GRIN2B: variants seen among roughly 807,000 people sequenced by gnomAD.
The protein encoded by GRIN2B is glutamate ionotropic receptor NMDA type subunit 2B.
In GRIN2B, 5 loss-of-function variants were observed where a neutral mutation model predicts 114.5. That is an observed-to-expected ratio of 0.04 (90% CI 0.02 to 0.09). GRIN2B has a LOEUF of 0.09. Among genes scored for constraint, GRIN2B ranks in the 10% least tolerant of loss-of-function variants. The pLI is 1.00. For synonymous variants in GRIN2B, 787 were observed against 745.1 expected, an observed-to-expected ratio of 1.06 and a Z score of -0.92; for missense variants, 1,108 against 1,943.5, an observed-to-expected ratio of 0.57 and a Z score of 8.08.
intron 2 of GRIN2B, among the ~76,000 whole-genome samples, chr12:13,888,944 T>G (rs559115599): frequency 6.6e-6 from 1 of 152,288 alleles, no homozygotes; most frequent in Non-Finnish European, 1.5e-5. Context: ...TAGGATACAC[T>G]AAGTTTATTT....
chr12:13,758,998 A>AGTT (rs771891565), intron 3 of GRIN2B, among the ~76,000 whole-genome samples: 1,379 of 85,742 alleles, frequency 0.016, 62 homozygotes, highest in African/African-American at 0.032. Context: ...ATCTAGTTCA[A>AGTT]TTTTTTTTTT....
intron 3 of GRIN2B, among the ~76,000 whole-genome samples, chr12:13,767,258 CA>C (rs34462939): frequency 0.26 from 25,644 of 97,436 alleles, 2,288 homozygotes; most frequent in Middle Eastern, 0.38. Flanking sequence ...GACTCTGTCT[CA>C]AAAAAAAAAA....
At chr12:13,882,572 A>G (rs1866087855) in intron 2 of GRIN2B, among the ~76,000 whole-genome samples, 1 of 152,122 alleles carries the variant, frequency 6.6e-6, no homozygotes, top group African/African-American at 2.4e-5. Context: ...TCTAAAATAT[A>G]AGCAACAATG....
chr12:13,707,683 C>T (rs376354106), intron 4 of GRIN2B, among the ~76,000 whole-genome samples: 1 of 151,798 alleles, frequency 6.6e-6, no homozygotes, highest in African/African-American at 2.4e-5. Context: ...AGCACCTATT[C>T]GGTACAGGGC....
intron 2 of GRIN2B, among the ~76,000 whole-genome samples, chr12:13,901,292 G>C (rs918977802): frequency 2.6e-5 from 4 of 151,934 alleles, no homozygotes; most frequent in Admixed American, 6.6e-5. Flanking sequence ...TCTGGGAAAG[G>C]CCTATTTGTC....
At chr12:13,645,364 T>C (rs1246578578) in intron 5 of GRIN2B, among the ~76,000 whole-genome samples, 2 of 152,066 alleles carry the variant, frequency 1.3e-5, no homozygotes, top group Non-Finnish European at 2.9e-5. Context: ...CTGGGTGTGG[T>C]TGGTGGCATC....
At chr12:13,869,241 C>CTTTTTTTT (rs377460231) in intron 2 of GRIN2B, among the ~76,000 whole-genome samples, 7 of 127,356 alleles carry the variant, frequency 5.5e-5, no homozygotes, top group Non-Finnish European at 6.6e-5. Context: ...CTTTTTTTTT[C>CTTTTTTTT]TTTTTTTTTT....
intron 2 of GRIN2B, among the ~76,000 whole-genome samples, chr12:13,902,544 C>A (rs1866468981): frequency 6.6e-6 from 1 of 152,174 alleles, no homozygotes; most frequent in African/African-American, 2.4e-5. Flanking sequence ...GGCATGGTGG[C>A]TCATGCCGAT....
intron 2 of GRIN2B, among the ~76,000 whole-genome samples, chr12:13,893,539 C>A (rs1224935331): frequency 6.6e-6 from 1 of 152,050 alleles, no homozygotes; most frequent in Non-Finnish European, 1.5e-5. Context: ...TTTGTTTAAT[C>A]ATTATTAACT....
At position 13,540,137 on chromosome 12, in the gene GRIN2B, C is replaced by T. The variant is rs1948258213; in HGVS notation, c.*22646G>A. On this transcript the variant is annotated 3_prime_UTR_variant, in exon 14 of 14. Transcript: ENST00000609686. ...ACTCCTACCAACAATTGGAAACCAA[C>T]TGGGCAAGGGGTTTTTCCCAAACAG... The T allele has an allele frequency of 6.6e-6, 1 of 152,188 alleles. No homozygotes were observed. Among genetic ancestry groups the T allele is most frequent in the African/African-American group, 2.4e-5 (1 of 41,450 alleles). The allele number at this position is 152,188 out of a possible 1,614,324, so 9.4% of individuals were successfully genotyped here.
intron 5 of GRIN2B, among the ~76,000 whole-genome samples, chr12:13,661,450 G>C (rs187173850): frequency 1.4e-3 from 215 of 152,282 alleles, no homozygotes; most frequent in African/African-American, 4.9e-3. Context: ...CCGTGTGCTT[G>C]CATTTCCAAG....
intron 10 of GRIN2B, among the ~76,000 whole-genome samples, chr12:13,575,433 T>C (rs1465370814): frequency 6.6e-6 from 1 of 151,846 alleles, no homozygotes; most frequent in Non-Finnish European, 1.5e-5. Flanking sequence ...CCAAAGTGGG[T>C]GGATTGCTTG....
chr12:13,859,452 C>T (rs1865717465), intron 3 of GRIN2B, among the ~76,000 whole-genome samples: 1 of 152,202 alleles, frequency 6.6e-6, no homozygotes, highest in Non-Finnish European at 1.5e-5. Flanking sequence ...ACACATTTCA[C>T]AGAAGCAGGT....
intron 10 of GRIN2B, among the ~76,000 whole-genome samples, chr12:13,598,046 G>A (rs1413712964): frequency 6.6e-6 from 1 of 152,178 alleles, no homozygotes; most frequent in Non-Finnish European, 1.5e-5. Flanking sequence ...GAAGGCAGTG[G>A]TGTCAGGGAA....
intron 4 of GRIN2B, among the ~76,000 whole-genome samples, chr12:13,732,662 T>G (rs1451919238): frequency 6.6e-6 from 1 of 152,236 alleles, no homozygotes; most frequent in Non-Finnish European, 1.5e-5. Flanking sequence ...TAAACTCAAC[T>G]TCTTAAGTGA....
intron 2 of GRIN2B, among the ~76,000 whole-genome samples, chr12:13,969,517 T>C (rs1032647284): frequency 6.6e-6 from 1 of 152,204 alleles, no homozygotes; most frequent in South Asian, 2.1e-4. Flanking sequence ...TAGAAGATAA[T>C]TGGCATAATC....
At chr12:13,723,442 A>G (rs1392435438) in intron 4 of GRIN2B, among the ~76,000 whole-genome samples, 1 of 151,450 alleles carries the variant, frequency 6.6e-6, no homozygotes, top group Non-Finnish European at 1.5e-5. Flanking sequence ...TCCCTGTCTC[A>G]CTGTTCTAGT....
intron 3 of GRIN2B, among the ~76,000 whole-genome samples, chr12:13,825,493 A>ATATATATTTT (rs1555144006): frequency 1.8e-3 from 51 of 28,126 alleles, no homozygotes; most frequent in East Asian, 6.8e-3. Context: ...ATATATATAT[A>ATATATATTTT]TTTTGTGTGT....
intron 5 of GRIN2B, among the ~76,000 whole-genome samples, chr12:13,642,359 C>T (rs1460613024): frequency 6.6e-6 from 1 of 152,176 alleles, no homozygotes; most frequent in Non-Finnish European, 1.5e-5. Flanking sequence ...GCTGAAGGAG[C>T]ACTAAGTAGG....
Sources: allele counts gnomAD v4.1 joint callset (sites outside exome capture counted in the v4.1 genomes callset), GRCh38; gene constraint gnomAD v4.1.1; transcripts MANE v1.5; gene names NCBI Gene and HGNC (gene_info 2026-07-23, HGNC 2026-07-21).